The following ITPR1 variants were observed in gnomAD, a reference collection of about 807,000 sequenced individuals.
The protein encoded by ITPR1 is inositol 1,4,5-trisphosphate-gated calcium channel ITPR1.
In ITPR1, 96 loss-of-function variants were observed where a neutral mutation model predicts 318.4. The ratio of observed to expected loss-of-function variants is 0.30; its 90% CI spans 0.26 to 0.36. ITPR1 has a LOEUF of 0.36. Ranked by LOEUF, ITPR1 falls within the 10% of genes least tolerant of loss-of-function variation. The probability of loss-of-function intolerance (pLI) is 1.00; values close to 1 mark genes in which losing one functional copy is unlikely to be tolerated. For missense variants in ITPR1, 2,440 were observed against 3,460.2 expected (o/e 0.71, Z 7.40); for synonymous variants, 1,312 against 1,289.9 (o/e 1.02, Z -0.37).
intron 60 of ITPR1, 78 bp downstream of exon 60, chr3:4,818,320 G>C (rs2049440570): frequency 8.5e-7 from 1 of 1,177,428 alleles, no homozygotes. Context: ...CAGCCCATCG[G>C]GGAGCTGCAC....
At chr3:4,497,459 A>G (rs1164027776) in intron 2 of ITPR1, among the ~76,000 whole-genome samples, 1 of 152,236 alleles carries the variant, frequency 6.6e-6, no homozygotes, top group Admixed American at 6.5e-5. Context: ...AGAGGCTTAC[A>G]TCTCAGTTGG....
At chr3:4,587,018 A>G (rs1440973688) in intron 4 of ITPR1, among the ~76,000 whole-genome samples, 1 of 152,136 alleles carries the variant, frequency 6.6e-6, no homozygotes, top group East Asian at 1.9e-4. Flanking sequence ...TCAAAAAATT[A>G]TATTCCCTGG....
Position 4,539,319 on chromosome 3 carries a change from A to G in ITPR1, c.163+18225A>G, listed in dbSNP as rs1182661610. Among the ~76,000 whole-genome samples the G allele has an allele frequency of 6.6e-5, 10 of 152,270 alleles. No homozygotes were observed. The East Asian group carries it at 1.9e-3, about 29-fold the overall frequency. On this transcript the variant is annotated intron_variant, in intron 4 of 61. Coordinates refer to ENST00000649015, the MANE Select transcript of ITPR1 (RefSeq NM_001378452.1). ...TGTTTTATCAGTCCTTTACAACTTG[A>G]GAGGCTTGCTTTGTGGCCTAGCAAG...
At chr3:4,535,504 G>A (rs192038650) in intron 4 of ITPR1, among the ~76,000 whole-genome samples, 32 of 145,206 alleles carry the variant, frequency 2.2e-4, no homozygotes, top group East Asian at 1.0e-3. Flanking sequence ...GTGCAGTGGC[G>A]CAATCTCGGC....
chr3:4,518,537 C>A (rs1351845125), intron 3 of ITPR1, among the ~76,000 whole-genome samples: 1 of 152,084 alleles, frequency 6.6e-6, no homozygotes, highest in African/African-American at 2.4e-5. Context: ...TTTGACAACC[C>A]TTCCTGTTTT....
chr3:4,647,449 C>CATGGT (rs754920880), intron 10 of ITPR1, among the ~76,000 whole-genome samples: 3 of 152,074 alleles, frequency 2.0e-5, no homozygotes, highest in Non-Finnish European at 4.4e-5. Flanking sequence ...ATATGGTAGC[C>CATGGT]ATGGTATGGT....
intron 42 of ITPR1, 101 bp downstream of exon 42, chr3:4,727,274 T>C (rs2042585027): frequency 1.2e-6 from 1 of 833,462 alleles, no homozygotes; most frequent in South Asian, 2.0e-5. Context: ...TTGTTGTTGA[T>C]ATTGTTAAAG....
intron 4 of ITPR1, among the ~76,000 whole-genome samples, chr3:4,605,669 G>C (rs1019095267): frequency 3.3e-5 from 5 of 152,278 alleles, no homozygotes; most frequent in Admixed American, 6.5e-5. Flanking sequence ...AAGGTGACTC[G>C]GTATAGAGTG....
intron 2 of ITPR1, among the ~76,000 whole-genome samples, chr3:4,508,453 A>AG: frequency 7.5e-6 from 1 of 133,280 alleles, no homozygotes; most frequent in Non-Finnish European, 1.6e-5. Context: ...GCGAAAATCA[A>AG]GGTTTTTTTT....
intron 61 of ITPR1, among the ~76,000 whole-genome samples, chr3:4,843,481 G>A (rs553300683): frequency 6.6e-6 from 1 of 152,266 alleles, no homozygotes; most frequent in Admixed American, 6.5e-5. Flanking sequence ...ACATCATCTG[G>A]GAAATCGTTA....
At chr3:4,825,640 C>A in intron 60 of ITPR1, 1 of 441,446 alleles carries the variant, frequency 2.3e-6, no homozygotes, top group Non-Finnish European at 4.5e-6. Flanking sequence ...ACACAGGAAG[C>A]AAATACAGAA....
chr3:4,786,455 G>A (rs4685819), intron 51 of ITPR1, among the ~76,000 whole-genome samples: 141,798 of 152,166 alleles, frequency 0.93, 66,373 homozygotes, highest in East Asian at 1. Context: ...TCCCACTACA[G>A]CTTGACCTGA....
intron 52 of ITPR1, among the ~76,000 whole-genome samples, chr3:4,789,406 T>C (rs956352423): frequency 2.6e-5 from 4 of 152,160 alleles, no homozygotes; most frequent in African/African-American, 9.7e-5. Context: ...ACATGGAAAC[T>C]TTTGCAGAGC....
intron 4 of ITPR1, among the ~76,000 whole-genome samples, chr3:4,596,956 C>A (rs2686622): frequency 0.96 from 146,228 of 152,298 alleles, 70,272 homozygotes; most frequent in Middle Eastern, 1. Flanking sequence ...AGGGGTTTGC[C>A]GCTTACTGTA....
At chr3:4,573,658 A>G (rs1180452195) in intron 4 of ITPR1, among the ~76,000 whole-genome samples, 2 of 152,164 alleles carry the variant, frequency 1.3e-5, no homozygotes, top group African/African-American at 4.8e-5. Context: ...CCTTAAACAC[A>G]CTAAGATTGT....
chr3:4,580,726 T>C (rs11718824), intron 4 of ITPR1, among the ~76,000 whole-genome samples: 25,867 of 152,024 alleles, frequency 0.17, 2,617 homozygotes, highest in African/African-American at 0.28. Flanking sequence ...TTACAACAGA[T>C]CCTCAGTGAG....
At chr3:4,743,732 T>C (rs1219790577) in intron 44 of ITPR1, among the ~76,000 whole-genome samples, 4 of 151,978 alleles carry the variant, frequency 2.6e-5, no homozygotes, top group African/African-American at 9.7e-5. Flanking sequence ...AGGACTACAG[T>C]TGTTGAGGGG....
intron 51 of ITPR1, among the ~76,000 whole-genome samples, chr3:4,786,140 G>A (rs112604974): frequency 0.012 from 1,839 of 152,258 alleles, 40 homozygotes; most frequent in African/African-American, 0.042. Context: ...CCTTCAGTGG[G>A]AAGAAGCACT....
rs1435259770 is a variant in ITPR1, at chr3:4,516,491, C to T, written c.-1C>T. 1.9e-6 allele frequency: 3 copies of T among 1,552,434 alleles called. No individual in the cohort carries two copies. The highest frequency in any genetic ancestry group is 2.6e-6 in the Non-Finnish European group (3 of 1,141,618). ...CTTTGTCTAGGATTTTCAAGAAAGA[C>T]ATGTCTGACAAAATGTCTAGCTTCC... On this transcript the variant is annotated 5_prime_UTR_variant, in exon 3 of 62. Coordinates refer to ENST00000649015, the MANE Select transcript of ITPR1 (RefSeq NM_001378452.1).
Sources: allele counts gnomAD v4.1 joint callset (sites outside exome capture counted in the v4.1 genomes callset), GRCh38; gene constraint gnomAD v4.1.1; transcripts MANE v1.5; gene names NCBI Gene and HGNC (gene_info 2026-07-23, HGNC 2026-07-21).